COX6B2: variants seen among roughly 807,000 people sequenced by gnomAD.
COX6B2 encodes COX VIb-2.
Under a neutral mutation model 13.7 loss-of-function variants are expected in COX6B2, and 12 were observed. That is an observed-to-expected ratio of 0.87 (90% CI 0.56 to 1.41). The LOEUF (loss-of-function observed/expected upper bound fraction) is 1.41, where lower values mean the gene tolerates loss of function less well. COX6B2 is among the 40% of genes most tolerant of loss of function. COX6B2 has a pLI of 0.00. For synonymous variants in COX6B2, 56 were observed against 46.6 expected, an observed-to-expected ratio of 1.20 and a Z score of -0.82; for missense variants, 130 against 118.3, an observed-to-expected ratio of 1.10 and a Z score of -0.46.
chr19:55,353,638 G>T lies in COX6B2; in HGVS notation c.*83C>A. On this transcript the variant is annotated 3_prime_UTR_variant, in exon 4 of 5. Transcript: ENST00000326529. ...TCGTGGCTTAGACACTGGGAGGTAGGGGTGGATAACCGAGACCCGGGGCTC... is the reference window on the plus strand; with the variant it reads ...TCGTGGCTTAGACACTGGGAGGTAGTGGTGGATAACCGAGACCCGGGGCTC... 7.7e-7 allele frequency: 1 copy of T among 1,293,576 alleles called. No individual in the cohort carries two copies. The highest frequency in any genetic ancestry group is 2.0e-5 in the Admixed American group (1 of 49,484). The allele number at this position is 1,293,576 out of a possible 1,614,324, so 80.1% of individuals were successfully genotyped here.
At chr19:55,353,802 A>T (rs1165497905) in intron 3 of COX6B2, 28 bp from the exon 4 acceptor site, 14 of 1,597,750 alleles carry the variant, frequency 8.8e-6, no homozygotes, top group Non-Finnish European at 9.4e-6. Context: ...AGGGAGCGGG[A>T]CGCCGGCTCA....
At position 55,353,973 on chromosome 19, in the gene COX6B2, C is replaced by G. The variant is rs368616257; in HGVS notation, c.113-7G>C. On this transcript the variant is annotated splice_polypyrimidine_tract_variant and splice_region_variant and intron_variant, in intron 2 of 4. Transcript: ENST00000326529. ...TTGAGGCAGCGGTGGTAGTCTGTGG[C>G]GGGCGGGGGTCACGCGGCAAGCCAC... 6.5e-7 allele frequency: 1 copy of G among 1,540,280 alleles called. No homozygotes were observed. The highest frequency in any genetic ancestry group is 8.7e-7 in the Non-Finnish European group (1 of 1,147,592).
Position 55,353,673 on chromosome 19 carries a change from A to G in COX6B2, c.*48T>C. 6.3e-7 allele frequency: 1 copy of G among 1,578,674 alleles called. No homozygotes were observed. The highest frequency in any genetic ancestry group is 8.6e-7 in the Non-Finnish European group (1 of 1,158,478). On this transcript the variant is annotated 3_prime_UTR_variant, in exon 4 of 5. Transcript: ENST00000326529. ...CCGAGACCCGGGGCTCCGCGAGACA[A>G]AAAGATGCAGGATCACTGCATCTTC...
At position 55,353,392 on chromosome 19, in the gene COX6B2, T is replaced by C. The variant is rs1201111887; in HGVS notation, c.*114+215A>G. Reference sequence around the variant, plus strand: ...TAGCTGTCAACGCGAGGCATCTACCTGCTGGAATGGAGAGGGAGAAGGGGG... The same window carrying C: ...TAGCTGTCAACGCGAGGCATCTACCCGCTGGAATGGAGAGGGAGAAGGGGG... On this transcript the variant is annotated intron_variant, in intron 4 of 4. Transcript: ENST00000326529. 4 of 445,808 alleles carry C rather than the reference T, an allele frequency of 9.0e-6. No homozygotes were observed. In the East Asian group the frequency reaches 1.9e-4, roughly 21 times the overall value. 27.6% of individuals were successfully genotyped at this position (445,808 alleles called of 1,614,324 possible).
At position 55,353,871 on chromosome 19, in the gene COX6B2, T is replaced by C; in HGVS notation, c.208A>G (p.Ser70Gly). The change falls in exon 3 of 5, where the codon AGC becomes GGC. Residue 70 changes from serine to glycine, a missense_variant. Coordinates refer to ENST00000326529, the MANE Select transcript of COX6B2 (RefSeq NM_144613.5). ...FRVYHSLCPI[S>G]WVESWNEQIK... ...CGCCCCCTCTGCCGACTCACCCAGCTGATGGGGCACAGCGAGTGGTACACG... is the reference window on the plus strand; with the variant it reads ...CGCCCCCTCTGCCGACTCACCCAGCCGATGGGGCACAGCGAGTGGTACACG... 1.3e-6 allele frequency: 2 copies of C among 1,577,018 alleles called. No individual in the cohort carries two copies. Among genetic ancestry groups the C allele is most frequent in the South Asian group, 1.2e-5 (1 of 86,812 alleles).
In COX6B2 at chr19:55,350,531, AG is replaced by A. The variant is rs986543008; in HGVS notation, c.*383del. Reference sequence around the variant, plus strand: ...CCATACAGACAGGAGCTGGCTGGGGAGGGCAGGTGTGTCTGCTTGGCGTCCC... The same window carrying A: ...CCATACAGACAGGAGCTGGCTGGGGAGGCAGGTGTGTCTGCTTGGCGTCCC... On this transcript the variant is annotated 3_prime_UTR_variant, in exon 5 of 5. Coordinates refer to ENST00000326529, the MANE Select transcript of COX6B2 (RefSeq NM_144613.5). The surrounding 1 kb of genome is among the most constrained non-coding windows in gnomAD (Gnocchi z 4.2). 1.3e-5 allele frequency: 2 copies of A among 152,244 alleles called. No homozygotes were observed. Among genetic ancestry groups the A allele is most frequent in the African/African-American group, 4.8e-5 (2 of 41,422 alleles). 9.4% of individuals were successfully genotyped at this position (152,244 alleles called of 1,614,324 possible).
intron 2 of COX6B2, 60 bp downstream of exon 2, chr19:55,354,350 C>T: frequency 2.2e-6 from 3 of 1,385,500 alleles, no homozygotes; most frequent in Non-Finnish European, 3.1e-6. Flanking sequence ...TGGGAGTGCC[C>T]CTCCCTGCCG....
chr19:55,353,454 C>T (rs754099202), intron 4 of COX6B2, 153 bp downstream of exon 4: 2 of 565,506 alleles, frequency 3.5e-6, no homozygotes, highest in Non-Finnish European at 6.3e-6. Flanking sequence ...AGGGCCTTGA[C>T]TGCCTGCTGC....
At chr19:55,354,135 C>T (rs1176070611) in intron 2 of COX6B2, 169 bp from the exon 3 acceptor site, 14 of 664,854 alleles carry the variant, frequency 2.1e-5, no homozygotes, top group Admixed American at 1.2e-4. Context: ...CTCCCTCACA[C>T]TGCTCCTCCT....
In COX6B2 at chr19:55,354,458, G is replaced by A. The variant is rs762135503; in HGVS notation, c.64C>T (p.Arg22Cys). ...GKWSTPPFDP[R>C]FPSQNQIRNC... is the part of the protein sequence containing the mutation. The stretch of plus-strand genomic sequence containing the variant: ...CGGATCTGGTTCTGGCTGGGGAAGC[G>A]CGGGTCGAAGGGCGGCGTCGACCAT... Residue 22 changes from arginine to cysteine, a missense_variant, in exon 2 of 5, where the codon CGC becomes TGC. Coordinates refer to ENST00000326529, the MANE Select transcript of COX6B2 (RefSeq NM_144613.5). The A allele has an allele frequency of 6.2e-7, 1 of 1,614,022 alleles. No homozygotes were observed. Among genetic ancestry groups the A allele is most frequent in the East Asian group, 2.2e-5 (1 of 44,872 alleles).
rs779754280 is a variant in COX6B2 at position 55,353,715 on chromosome 19, G to C, written c.*6C>G. 15 of 1,608,966 alleles carry C rather than the reference G, an allele frequency of 9.3e-6. 1 individual carries two copies. The Admixed American group carries it at 2.5e-4, about 27-fold the overall frequency. ...TGCATCTTCAGAGGAAGCCGCGCTGGGGCAGTCAGATTTTGCCGGCGAAAA... is the reference window on the plus strand; with the variant it reads ...TGCATCTTCAGAGGAAGCCGCGCTGCGGCAGTCAGATTTTGCCGGCGAAAA... On this transcript the variant is annotated 3_prime_UTR_variant, in exon 4 of 5. Coordinates refer to ENST00000326529, the MANE Select transcript of COX6B2 (RefSeq NM_144613.5).
rs928400980 is a variant in COX6B2, at chr19:55,354,190, T to A, written c.112+220A>T. 267 of 587,352 alleles carry A rather than the reference T, an allele frequency of 4.5e-4. 3 individuals carry two copies. The highest frequency in any genetic ancestry group is 1.3e-3 in the East Asian group (47 of 34,906). The allele number at this position is 587,352 out of a possible 1,614,324, so 36.4% of individuals were successfully genotyped here. Reference sequence around the variant, plus strand: ...CTACCTCGCCCCGCACCTTCACGACTCGGCCCCGCACCTTCCAGATCAGGC... The same window carrying A: ...CTACCTCGCCCCGCACCTTCACGACACGGCCCCGCACCTTCCAGATCAGGC... On this transcript the variant is annotated intron_variant, in intron 2 of 4. Transcript: ENST00000326529.
intron 4 of COX6B2, chr19:55,353,282 G>A: frequency 3.5e-6 from 1 of 288,262 alleles, no homozygotes; most frequent in Non-Finnish European, 6.7e-6. Flanking sequence ...TGAGGTGAGA[G>A]GTAGGTGTGG....
chr19:55,353,931 C>A lies in COX6B2; in HGVS notation c.148G>T (p.Gly50Trp). ...TACTCGCAGGGCTGCGTGCTCTTCC[C>A]GCGGCGGGTCCTGGTCTTGAGGCAG... The part of the protein sequence containing the change: ...HRCLKTRTRR[G>W]KSTQPCEYYF... The change falls in exon 3 of 5, where the codon GGG becomes TGG. Residue 50 changes from glycine (G) to tryptophan (W), a missense_variant. Coordinates refer to ENST00000326529, the MANE Select transcript of COX6B2 (RefSeq NM_144613.5). The A allele has an allele frequency of 1.3e-6, 2 of 1,560,902 alleles. No individual in the cohort carries two copies. Among genetic ancestry groups the A allele is most frequent in the East Asian group, 2.4e-5 (1 of 41,690 alleles).
chr19:55,354,300 G>GCCCCCACCAACCCGGCCCCA, intron 2 of COX6B2, 110 bp downstream of exon 2: 2 of 376,024 alleles, frequency 5.3e-6, no homozygotes, highest in African/African-American at 5.1e-5. Flanking sequence ...ACCCGGCCCC[G>GCCCCCACCAACCCGGCCCCA]CCCGGCCTCC....
In COX6B2 at chr19:55,350,954, C is replaced by T. The variant is rs2089666558; in HGVS notation, c.*115-154G>A. On this transcript the variant is annotated intron_variant, in intron 4 of 4. Coordinates refer to ENST00000326529, the MANE Select transcript of COX6B2 (RefSeq NM_144613.5). This position sits in a 1 kb window ranked among gnomAD's most constrained non-coding sequence, Gnocchi z 4.2. Reference sequence around the variant, plus strand: ...CTGACCCCGTGTCTCCCTGTGGGGGCACTCTGGCCCTTTATGCTGCAAGCT... The same window carrying T: ...CTGACCCCGTGTCTCCCTGTGGGGGTACTCTGGCCCTTTATGCTGCAAGCT... Among the ~76,000 whole-genome samples the T allele has an allele frequency of 6.6e-6, 1 of 152,244 alleles. No individual in the cohort carries two copies. The highest frequency in any genetic ancestry group is 1.5e-5 in the Non-Finnish European group (1 of 68,048).
At chr19:55,354,286 A>ACCAACCCGGCCCCGCCCCCC in intron 2 of COX6B2, 124 bp downstream of exon 2, 1 of 397,328 alleles carries the variant, frequency 2.5e-6, no homozygotes, top group Non-Finnish European at 3.9e-6. Context: ...CCCCGCCCCC[A>ACCAACCCGGCCCCGCCCCCC]CCAACCCGGC....
chr19:55,349,709 A>T lies in COX6B2; in HGVS notation c.*1206T>A, dbSNP rs2089656591. 6.6e-6 allele frequency: 1 copy of T among 152,116 alleles called. No homozygotes were observed. Among genetic ancestry groups the T allele is most frequent in the South Asian group, 2.1e-4 (1 of 4,828 alleles). 9.4% of individuals were successfully genotyped at this position (152,116 alleles called of 1,614,324 possible). ...TCCAGGAACCTTCTGAAATCTTTTA[A>T]ATGTTGAGAGTATATATTTACATGC... On this transcript the variant is annotated 3_prime_UTR_variant, in exon 5 of 5. Coordinates refer to ENST00000326529, the MANE Select transcript of COX6B2 (RefSeq NM_144613.5).
chr19:55,354,300 G>T lies in COX6B2; in HGVS notation c.112+110C>A, dbSNP rs1320508191. 82 of 376,328 alleles carry T rather than the reference G, an allele frequency of 2.2e-4. 1 individual carries two copies. The Admixed American group carries it at 2.6e-3, about 12-fold the overall frequency. The allele number at this position is 376,328 out of a possible 1,614,324, so 23.3% of individuals were successfully genotyped here. ...GCCCCGCCCCCACCAACCCGGCCCC[G>T]CCCGGCCTCCCACCCTAACGGTCTC... On this transcript the variant is annotated intron_variant, in intron 2 of 4. Transcript: ENST00000326529.
Sources: allele counts gnomAD v4.1 joint callset (sites outside exome capture counted in the v4.1 genomes callset), GRCh38; gene constraint gnomAD v4.1.1; non-coding constraint Gnocchi (gnomAD v3.1); transcripts MANE v1.5; gene names NCBI Gene and HGNC (gene_info 2026-07-23, HGNC 2026-07-21).